The following KCNIP4 variants were observed in gnomAD, a reference collection of about 807,000 sequenced individuals.
The protein encoded by KCNIP4 is Kv channel-interacting protein 4.
KCNIP4 carries 12 observed loss-of-function variants against 34.0 expected under a neutral mutation model. The ratio of observed to expected loss-of-function variants is 0.35; its 90% CI spans 0.23 to 0.57. The LOEUF (loss-of-function observed/expected upper bound fraction) is 0.57. Ranked by LOEUF, KCNIP4 falls within the 20% of genes least tolerant of loss-of-function variation. KCNIP4 has a pLI of 0.83. For synonymous variants in KCNIP4, 124 were observed against 102.2 expected, an observed-to-expected ratio of 1.21 and a Z score of -1.29; for missense variants, 238 against 311.7, an observed-to-expected ratio of 0.76 and a Z score of 1.78.
chr4:21,259,924 C>CTGTGTGTGT (rs1761350459), intron 1 of KCNIP4, among the ~76,000 whole-genome samples: 1 of 74,002 alleles, frequency 1.4e-5, no homozygotes, highest in Admixed American at 1.3e-4. Flanking sequence ...TGTGTGTGCA[C>CTGTGTGTGT]GTGCGCTTAT....
chr4:21,732,021 T>C (rs1388964937), intron 1 of KCNIP4, among the ~76,000 whole-genome samples: 2 of 150,672 alleles, frequency 1.3e-5, no homozygotes, highest in Non-Finnish European at 3.0e-5. Context: ...ATTACATATA[T>C]ATAAAAATAT....
intron 1 of KCNIP4, among the ~76,000 whole-genome samples, chr4:21,353,447 C>G (rs1718230866): frequency 6.6e-6 from 1 of 152,068 alleles, no homozygotes. Context: ...GTAGAGAAGA[C>G]CTTAAATGAT....
chr4:21,912,860 T>C (rs1728416150), intron 1 of KCNIP4, among the ~76,000 whole-genome samples: 1 of 150,260 alleles, frequency 6.7e-6, no homozygotes, highest in Non-Finnish European at 1.5e-5. Context: ...ATAATATATA[T>C]TCCCTTCATT....
intron 1 of KCNIP4, among the ~76,000 whole-genome samples, chr4:21,371,117 G>C (rs564795953): frequency 7.0e-6 from 1 of 143,046 alleles, no homozygotes; most frequent in South Asian, 2.2e-4. Context: ...AGGTGTATAG[G>C]AACCAAATCT....
intron 1 of KCNIP4, chr4:20,984,091 A>C: frequency 9.2e-7 from 1 of 1,083,210 alleles, no homozygotes; most frequent in Non-Finnish European, 1.3e-6. Context: ...CGGGGTGAGG[A>C]CAGACCTGGG....
chr4:21,431,375 TA>T (rs1053292232), intron 1 of KCNIP4, among the ~76,000 whole-genome samples: 3 of 152,074 alleles, frequency 2.0e-5, no homozygotes, highest in African/African-American at 7.2e-5. Context: ...AAAAAGGGCA[TA>T]AGCAAAATAA....
In KCNIP4 at chr4:20,860,390, G is replaced by A. The variant is rs182992430; in HGVS notation, c.164-9723C>T. Among the ~76,000 whole-genome samples the A allele has an allele frequency of 2.3e-4, 35 of 152,182 alleles. No homozygotes were observed. The South Asian group carries it at 3.7e-3, about 16-fold the overall frequency. ...TAACCTCAGGTGATCCATGGACCTC[G>A]GCCTCCCGAAGTGCTGGGATTATAA... On this transcript the variant is annotated intron_variant, in intron 2 of 8. Coordinates refer to ENST00000382152, the MANE Select transcript of KCNIP4 (RefSeq NM_025221.6).
At chr4:21,109,954 C>T (rs1260648947) in intron 1 of KCNIP4, among the ~76,000 whole-genome samples, 1 of 151,930 alleles carries the variant, frequency 6.6e-6, no homozygotes, top group Non-Finnish European at 1.5e-5. Context: ...ATTGTTCATA[C>T]TCCTATATTA....
chr4:20,751,297 T>C (rs1753574108), intron 4 of KCNIP4, among the ~76,000 whole-genome samples: 1 of 152,128 alleles, frequency 6.6e-6, no homozygotes, highest in African/African-American at 2.4e-5. Flanking sequence ...TGGATATCCA[T>C]CCAGTATTGA....
At chr4:21,528,767 GAAAGAAAGAAAGGAAGAAAGGAAGA>G (rs1560490129) in intron 1 of KCNIP4, among the ~76,000 whole-genome samples, 1 of 10,946 alleles carries the variant, frequency 9.1e-5, no homozygotes, top group Non-Finnish European at 1.7e-4. Context: ...AAGAAAGAAA[GAAAGAAAGAAAGGAAGAAAGGAAGA>G]AAGGAAGAAA....
intron 1 of KCNIP4, among the ~76,000 whole-genome samples, chr4:21,689,452 C>T (rs902242766): frequency 2.0e-5 from 3 of 151,958 alleles, no homozygotes; most frequent in Non-Finnish European, 4.4e-5. Flanking sequence ...TCTAATTGGT[C>T]TTCCCAATTG....
intron 1 of KCNIP4, among the ~76,000 whole-genome samples, chr4:21,254,079 A>G (rs1760899508): frequency 6.6e-6 from 1 of 152,210 alleles, no homozygotes; most frequent in African/African-American, 2.4e-5. Context: ...CTTAATGAGT[A>G]TAGATTATCC....
intron 1 of KCNIP4, among the ~76,000 whole-genome samples, chr4:21,841,480 T>C (rs1455328508): frequency 6.6e-6 from 1 of 152,210 alleles, no homozygotes; most frequent in African/African-American, 2.4e-5. Flanking sequence ...AACCTTATTC[T>C]TTCTCCCAAT....
intron 1 of KCNIP4, among the ~76,000 whole-genome samples, chr4:21,266,359 C>A (rs976322208): frequency 2.0e-5 from 3 of 151,846 alleles, no homozygotes; most frequent in African/African-American, 7.3e-5. Flanking sequence ...GAGCATTTGA[C>A]TAAAGTAACA....
At chr4:21,388,396 T>G (rs1283354588) in intron 1 of KCNIP4, among the ~76,000 whole-genome samples, 1 of 151,994 alleles carries the variant, frequency 6.6e-6, no homozygotes, top group Non-Finnish European at 1.5e-5. Flanking sequence ...TAATGAGGCT[T>G]TCTTCAATGA....
chr4:20,893,003 C>T (rs1050219734), intron 1 of KCNIP4, among the ~76,000 whole-genome samples: 49 of 152,156 alleles, frequency 3.2e-4, no homozygotes, highest in African/African-American at 9.9e-4. Context: ...ACAAGACCTT[C>T]GTTTGTCCAG....
intron 1 of KCNIP4, among the ~76,000 whole-genome samples, chr4:21,687,707 CT>C (rs1283588073): frequency 3.3e-5 from 5 of 152,066 alleles, no homozygotes; most frequent in Admixed American, 3.3e-4. Flanking sequence ...TCTTTTTACT[CT>C]CAAAAATGTC....
chr4:21,602,027 C>T (rs905699891), intron 1 of KCNIP4, among the ~76,000 whole-genome samples: 7 of 152,134 alleles, frequency 4.6e-5, no homozygotes, highest in Non-Finnish European at 7.4e-5. Context: ...CCCTCCCCAA[C>T]GCAATTGTAA....
intron 1 of KCNIP4, among the ~76,000 whole-genome samples, chr4:21,755,964 C>G (rs1717484456): frequency 6.6e-6 from 1 of 152,104 alleles, no homozygotes; most frequent in Non-Finnish European, 1.5e-5. Flanking sequence ...ATAAATGGCT[C>G]TATCACCTCT....
Sources: gnomAD v4.1 joint callset for allele counts (sites outside exome capture counted in the v4.1 genomes callset) on GRCh38, gnomAD v4.1.1 for gene constraint, MANE v1.5 for transcripts, NCBI Gene and HGNC (gene_info 2026-07-23, HGNC 2026-07-21) for gene names.